SEMA3A: variants seen among roughly 807,000 people sequenced by gnomAD.
The protein encoded by SEMA3A is semaphorin 3A.
A neutral mutation model predicts 97.9 loss-of-function variants in SEMA3A; 29 were observed. The observed-to-expected ratio is 0.30, with a 90% CI of 0.22 to 0.40. The LOEUF (loss-of-function observed/expected upper bound fraction) is 0.40. Ranked by LOEUF, SEMA3A falls within the 10% of genes least tolerant of loss-of-function variation. The pLI, the probability that SEMA3A is intolerant of heterozygous loss-of-function variation, is 1.00. For missense variants in SEMA3A, 763 were observed against 951.3 expected (o/e 0.80, Z 2.60); for synonymous variants, 321 against 323.7 (o/e 0.99, Z 0.09).
At chr7:84,281,643 TTAGA>T (rs1477046745) in intron 3 of SEMA3A, among the ~76,000 whole-genome samples, 2 of 152,200 alleles carry the variant, frequency 1.3e-5, no homozygotes, top group Admixed American at 1.3e-4. Context: ...GATTTTGATA[TTAGA>T]TAGTATAGTG....
rs186365706 is a variant in SEMA3A, at chr7:84,046,827, T to G, written c.548-384A>C. 2.6e-5 allele frequency among the ~76,000 whole-genome samples: 4 copies of G among 152,204 alleles called. No individual in the cohort carries two copies. In the East Asian group the frequency reaches 7.7e-4, roughly 29 times the overall value. On this transcript the variant is annotated intron_variant, in intron 5 of 16. Coordinates refer to ENST00000265362, the MANE Select transcript of SEMA3A (RefSeq NM_006080.3). ...TGCTTTCATATGTGTAAAGTTACTA[T>G]GGTTCTAATATCCTTATAACGTAGG...
intron 2 of SEMA3A, among the ~76,000 whole-genome samples, chr7:84,329,790 T>C (rs1801869826): frequency 6.6e-6 from 1 of 152,102 alleles, no homozygotes; most frequent in Admixed American, 6.6e-5. Flanking sequence ...GAACACAGTG[T>C]ATAATTTCAA....
chr7:84,456,915 A>C (rs937760805), intron 1 of SEMA3A, among the ~76,000 whole-genome samples: 2 of 151,774 alleles, frequency 1.3e-5, no homozygotes, highest in African/African-American at 4.8e-5. Flanking sequence ...ACTGAGGCTA[A>C]TGGACCCTAA....
intron 3 of SEMA3A, among the ~76,000 whole-genome samples, chr7:84,126,268 T>C (rs1299899860): frequency 6.6e-6 from 1 of 152,084 alleles, no homozygotes. Context: ...TTCAGTGGCA[T>C]GATCATGGCT....
At chr7:84,282,043 A>G (rs976640113) in intron 3 of SEMA3A, among the ~76,000 whole-genome samples, 1 of 152,146 alleles carries the variant, frequency 6.6e-6, no homozygotes, top group Non-Finnish European at 1.5e-5. Flanking sequence ...GATATTTTCT[A>G]TAATATTCAG....
chr7:84,134,770 G>A (rs760520994), intron 2 of SEMA3A, 24 bp downstream of exon 2: 2 of 1,529,742 alleles, frequency 1.3e-6, no homozygotes, highest in Non-Finnish European at 1.8e-6. Context: ...AATAACTATA[G>A]TGCATATATT....
rs373481927 is a variant in SEMA3A, at chr7:84,293,381, T to C, written c.-83+13826A>G. 1.7e-4 allele frequency among the ~76,000 whole-genome samples: 26 copies of C among 152,200 alleles called. No individual in the cohort carries two copies. The South Asian group carries it at 5.0e-3, about 29-fold the overall frequency. On this transcript the variant is annotated intron_variant, in intron 3 of 3. Transcript: ENST00000424555. Reference sequence around the variant, plus strand: ...ATTGATATAACTATGTCAGAGTTTCTTTCTGAACATGAATCAATAATTTTT... The same window carrying C: ...ATTGATATAACTATGTCAGAGTTTCCTTCTGAACATGAATCAATAATTTTT...
intron 1 of SEMA3A, among the ~76,000 whole-genome samples, chr7:84,145,355 C>G (rs368660598): frequency 6.6e-6 from 1 of 152,000 alleles, no homozygotes; most frequent in African/African-American, 2.4e-5. Context: ...CTACTCCTGG[C>G]GTATACCTAC....
intron 12 of SEMA3A, among the ~76,000 whole-genome samples, chr7:83,999,435 AAAT>A (rs1385635229): frequency 2.2e-5 from 2 of 92,002 alleles, no homozygotes; most frequent in East Asian, 4.9e-4. Context: ...GAAAATAATT[AAAT>A]AATAAAAACC....
intron 6 of SEMA3A, among the ~76,000 whole-genome samples, chr7:84,017,273 T>C (rs1462049776): frequency 1.3e-5 from 2 of 152,210 alleles, no homozygotes; most frequent in African/African-American, 4.8e-5. Flanking sequence ...CTTACAAATG[T>C]GGACTCTAGT....
chr7:84,212,533 C>T (rs201706889), intron 3 of SEMA3A, among the ~76,000 whole-genome samples: 25 of 104,706 alleles, frequency 2.4e-4, no homozygotes, highest in African/African-American at 7.5e-4. Flanking sequence ...AATACTCTTA[C>T]GATGTCTGCA....
chr7:84,244,392 T>C (rs1206149118), intron 3 of SEMA3A, among the ~76,000 whole-genome samples: 1 of 152,188 alleles, frequency 6.6e-6, no homozygotes, highest in Non-Finnish European at 1.5e-5. Flanking sequence ...GTCTGTTTTA[T>C]CAGAGACTAA....
At chr7:84,048,987 C>T (rs1792476726) in intron 5 of SEMA3A, among the ~76,000 whole-genome samples, 1 of 151,920 alleles carries the variant, frequency 6.6e-6, no homozygotes, top group Non-Finnish European at 1.5e-5. Context: ...TCATATTAGA[C>T]AGACAAAAAT....
chr7:84,322,397 G>T (rs375762597), intron 2 of SEMA3A, among the ~76,000 whole-genome samples: 1 of 151,886 alleles, frequency 6.6e-6, no homozygotes, highest in Non-Finnish European at 1.5e-5. Context: ...ATATGGCTTG[G>T]CTATGTCCCC....
chr7:84,132,368 G>A (rs186682518), intron 2 of SEMA3A, among the ~76,000 whole-genome samples: 100 of 121,450 alleles, frequency 8.2e-4, no homozygotes, highest in African/African-American at 2.8e-3. Context: ...TATATTCTGA[G>A]TGTACAAATG....
chr7:84,102,800 C>T (rs188071776), intron 4 of SEMA3A, among the ~76,000 whole-genome samples: 3 of 151,596 alleles, frequency 2.0e-5, no homozygotes, highest in African/African-American at 4.8e-5. Flanking sequence ...AGGCTGGTCT[C>T]GAACTCCTGA....
intron 1 of SEMA3A, among the ~76,000 whole-genome samples, chr7:84,460,129 T>C (rs1201143515): frequency 1.3e-5 from 2 of 152,234 alleles, no homozygotes; most frequent in African/African-American, 4.8e-5. Context: ...ATGTTATTAC[T>C]TCTACTTTTC....
intron 2 of SEMA3A, among the ~76,000 whole-genome samples, chr7:84,338,822 T>A (rs1029779912): frequency 6.6e-6 from 1 of 152,180 alleles, no homozygotes; most frequent in African/African-American, 2.4e-5. Flanking sequence ...CTAACACTCC[T>A]TAAAAGAAGA....
At chr7:84,059,901 T>C (rs59172728) in intron 5 of SEMA3A, among the ~76,000 whole-genome samples, 6,235 of 152,204 alleles carry the variant, frequency 0.041, 178 homozygotes, top group South Asian at 0.092. Flanking sequence ...TGGAAAAAAT[T>C]CTTTATTTTT....
Sources: gnomAD v4.1 joint callset for allele counts (sites outside exome capture counted in the v4.1 genomes callset) on GRCh38, gnomAD v4.1.1 for gene constraint, MANE v1.5 for transcripts, NCBI Gene and HGNC (gene_info 2026-07-23, HGNC 2026-07-21) for gene names.